The following FUT8 variants were observed in gnomAD, a reference collection of about 807,000 sequenced individuals.
FUT8 encodes the protein alpha-(1,6)-fucosyltransferase.
Under a neutral mutation model 71.3 loss-of-function variants are expected in FUT8, and 29 were observed. The observed-to-expected ratio is 0.41, with a 90% CI of 0.30 to 0.55. The LOEUF (loss-of-function observed/expected upper bound fraction) is 0.55. Ranked by LOEUF, FUT8 falls within the 20% of genes least tolerant of loss-of-function variation. The probability of loss-of-function intolerance (pLI) is 0.34; values close to 1 mark genes in which losing one functional copy is unlikely to be tolerated. For missense variants in FUT8, 544 were observed against 702.1 expected, an observed-to-expected ratio of 0.77 and a Z score of 2.55; for synonymous variants, 254 against 239.3, an observed-to-expected ratio of 1.06 and a Z score of -0.57.
In FUT8 at chr14:65,658,010, C is replaced by T. The variant is rs113084004; in HGVS notation, c.598-11233C>T. On this transcript the variant is annotated intron_variant, in intron 6 of 10. Coordinates refer to ENST00000673929, the MANE Select transcript of FUT8 (RefSeq NM_001371533.1). ...GAAACTTTTTACTTACCAGCAACCC[C>T]GTTAAAGAGGATGAAAGAGAAGCCA... Among the ~76,000 whole-genome samples the T allele has an allele frequency of 2.3e-3, 355 of 152,050 alleles. 2 individuals carry two copies. Among genetic ancestry groups the T allele is most frequent in the African/African-American group, 7.8e-3 (324 of 41,502 alleles).
chr14:65,490,922 C>T (rs776075819), intron 2 of FUT8, among the ~76,000 whole-genome samples: 1 of 152,100 alleles, frequency 6.6e-6, no homozygotes, highest in Non-Finnish European at 1.5e-5. Flanking sequence ...CACAGTTTTA[C>T]AGTGTTACCT....
At chr14:65,499,204 C>T (rs555351618) in intron 2 of FUT8, among the ~76,000 whole-genome samples, 7 of 152,302 alleles carry the variant, frequency 4.6e-5, no homozygotes, top group African/African-American at 1.4e-4. Flanking sequence ...CACACACACA[C>T]ACCACCATAC....
Position 65,537,591 on chromosome 14 carries a change from G to A in FUT8, c.-227-23746G>A, listed in dbSNP as rs535616883. On this transcript the variant is annotated intron_variant, in intron 2 of 10. Transcript: ENST00000673929. ...TTTAGTAGAGACTGGGTTTCACCAT[G>A]TTAGCCAGGATGGTCTCGATCTCCT... is the stretch of plus-strand genomic sequence containing the variant. 2.6e-5 allele frequency among the ~76,000 whole-genome samples: 4 copies of A among 152,208 alleles called. No homozygotes were observed. In the East Asian group the frequency reaches 7.8e-4, roughly 30 times the overall value.
chr14:65,692,196 C>G (rs1893651875), intron 7 of FUT8, among the ~76,000 whole-genome samples: 1 of 151,510 alleles, frequency 6.6e-6, no homozygotes, highest in Non-Finnish European at 1.5e-5. Flanking sequence ...AGGTTCCCCT[C>G]ACCTCCCGGA....
At chr14:65,636,291 C>T (rs1006997071) in intron 6 of FUT8, among the ~76,000 whole-genome samples, 1 of 146,706 alleles carries the variant, frequency 6.8e-6, no homozygotes, top group Non-Finnish European at 1.5e-5. Context: ...AAAGAACCTG[C>T]TTTTTGTTTC....
At chr14:65,622,862 TC>T (rs1171367562) in intron 5 of FUT8, among the ~76,000 whole-genome samples, 1 of 151,974 alleles carries the variant, frequency 6.6e-6, no homozygotes, top group African/African-American at 2.4e-5. Context: ...TCCTTCACCT[TC>T]TTGCCTGGAT....
At chr14:65,399,741 G>T in the FUT8 span, among the ~76,000 whole-genome samples, 2 of 152,242 alleles carry the variant, frequency 1.3e-5, no homozygotes, top group South Asian at 4.1e-4. Context: ...AAGTTAATTA[G>T]ATTTCTTCTA....
chr14:65,438,429 A>C (rs1206867557), intron 1 of FUT8, among the ~76,000 whole-genome samples: 1 of 152,146 alleles, frequency 6.6e-6, no homozygotes, highest in African/African-American at 2.4e-5. Flanking sequence ...ATGTCAGTAG[A>C]AGTATTTGGT....
chr14:65,532,733 G>T (rs989232562), intron 2 of FUT8, among the ~76,000 whole-genome samples: 2 of 152,108 alleles, frequency 1.3e-5, no homozygotes, highest in African/African-American at 4.8e-5. Flanking sequence ...GTTCAGAATG[G>T]TATTGCCTAC....
intron 7 of FUT8, among the ~76,000 whole-genome samples, chr14:65,712,920 A>G (rs1894876131): frequency 2.6e-5 from 4 of 152,124 alleles, no homozygotes; most frequent in Admixed American, 6.6e-5. Context: ...CAATCCAATT[A>G]TATGTTTTTA....
At chr14:65,530,855 C>G (rs1399911325) in intron 2 of FUT8, among the ~76,000 whole-genome samples, 1 of 150,824 alleles carries the variant, frequency 6.6e-6, no homozygotes, top group South Asian at 2.1e-4. Context: ...CTCTTCCTCT[C>G]TCCATCTCTC....
rs146718077 is a variant in FUT8, at chr14:65,470,366, T to C, written c.-228+14648T>C. ...GGGGTTGGGGGACAGGGCTCCTGCC[T>C]GTTTCCAGTCCCCAAGAGCACATGG... is the stretch of plus-strand genomic sequence containing the variant. On this transcript the variant is annotated intron_variant, in intron 2 of 10. Transcript: ENST00000673929. 5.0e-3 allele frequency among the ~76,000 whole-genome samples: 755 copies of C among 152,146 alleles called. 8 individuals carry two copies. The highest frequency in any genetic ancestry group is 0.017 in the African/African-American group (719 of 41,526).
At chr14:65,477,778 T>A (rs1469627093) in intron 2 of FUT8, among the ~76,000 whole-genome samples, 1 of 152,140 alleles carries the variant, frequency 6.6e-6, no homozygotes, top group East Asian at 1.9e-4. Flanking sequence ...CTGGGTAAGT[T>A]TGTCTCATTT....
chr14:65,581,455 G>T (rs1287592683), intron 3 of FUT8, among the ~76,000 whole-genome samples: 3 of 152,026 alleles, frequency 2.0e-5, no homozygotes, highest in African/African-American at 7.2e-5. Context: ...AATGCATTAT[G>T]ATGGGACTGA....
chr14:65,729,133 C>A (rs1456832917), intron 9 of FUT8, among the ~76,000 whole-genome samples: 1 of 148,174 alleles, frequency 6.7e-6, no homozygotes. Context: ...TCAAGAAATC[C>A]TCCTTCCTCA....
chr14:65,719,835 C>T lies in FUT8; in HGVS notation c.836-1940C>T, dbSNP rs1263550142. ...GAGTCTCTGATTCTGTGCTCCAAGCCTCTTGTAGTTGGGGGAGTGGTGACA... is the reference window on the plus strand; with the variant it reads ...GAGTCTCTGATTCTGTGCTCCAAGCTTCTTGTAGTTGGGGGAGTGGTGACA... On this transcript the variant is annotated intron_variant, in intron 7 of 10. Coordinates refer to ENST00000673929, the MANE Select transcript of FUT8 (RefSeq NM_001371533.1). Among the ~76,000 whole-genome samples the T allele has an allele frequency of 3.3e-5, 5 of 152,362 alleles. No individual in the cohort carries two copies. In the East Asian group the frequency reaches 5.8e-4, roughly 18 times the overall value.
At chr14:65,610,320 T>C (rs1275987779) in intron 3 of FUT8, among the ~76,000 whole-genome samples, 2 of 151,914 alleles carry the variant, frequency 1.3e-5, no homozygotes, top group African/African-American at 4.8e-5. Context: ...CCTATGGTGT[T>C]AGCAGTAAGT....
intron 2 of FUT8, among the ~76,000 whole-genome samples, chr14:65,500,189 G>A (rs1292980417): frequency 6.6e-6 from 1 of 152,140 alleles, no homozygotes. Flanking sequence ...AACACACTTT[G>A]AGTAGCACAG....
chr14:65,616,062 G>A lies in FUT8; in HGVS notation c.288G>A (p.Gln96=), dbSNP rs2140223416. The A allele has an allele frequency of 6.2e-7, 1 of 1,613,960 alleles. No individual in the cohort carries two copies. Among genetic ancestry groups the A allele is most frequent in the Non-Finnish European group, 8.5e-7 (1 of 1,179,888 alleles). ...AGCAGCTTGTTAAGGCCAAAGAACA[G>A]ATTGAAAATTACAAGAAACAGACCA... ...LEEQLVKAKE[Q]IENYKKQTRN... is the part of the protein sequence containing the mutation. The change falls in exon 4 of 11, where the codon CAG becomes CAA. Residue 96 remains glutamine, a synonymous_variant. Coordinates refer to ENST00000673929, the MANE Select transcript of FUT8 (RefSeq NM_001371533.1).
Sources: allele counts gnomAD v4.1 joint callset (sites outside exome capture counted in the v4.1 genomes callset), GRCh38; gene constraint gnomAD v4.1.1; transcripts MANE v1.5; gene names NCBI Gene and HGNC (gene_info 2026-07-23, HGNC 2026-07-21).